Variants in CDK5RAP2 observed in about 807,000 individuals in gnomAD.
CDK5RAP2 encodes the protein CDK5 regulatory subunit-associated protein 2.
In CDK5RAP2, 147 loss-of-function variants were observed where a neutral mutation model predicts 232.9. The ratio of observed to expected loss-of-function variants is 0.63; its 90% CI spans 0.55 to 0.72. The LOEUF (loss-of-function observed/expected upper bound fraction) is 0.72. Among genes scored for constraint, CDK5RAP2 ranks in the 30% least tolerant of loss-of-function variants. CDK5RAP2 has a pLI of 0.00. For synonymous variants in CDK5RAP2, 833 were observed against 833.7 expected (o/e 1.00, Z 0.01); for missense variants, 2,195 against 2,231.5 (o/e 0.98, Z 0.33).
intron 12 of CDK5RAP2, chr9:120,517,769 C>A: frequency 4.2e-6 from 1 of 240,640 alleles, no homozygotes; most frequent in Admixed American, 4.7e-5. Flanking sequence ...CTATCAGGAA[C>A]AATCAGTGAG....
intron 3 of CDK5RAP2, among the ~76,000 whole-genome samples, chr9:120,552,109 C>A (rs542854121): frequency 2.0e-5 from 3 of 151,910 alleles, no homozygotes; most frequent in African/African-American, 7.2e-5. Flanking sequence ...TCATCACTGG[C>A]CATCAGAGAA....
chr9:120,557,230 C>T (rs965028622), intron 3 of CDK5RAP2, among the ~76,000 whole-genome samples: 5 of 152,340 alleles, frequency 3.3e-5, no homozygotes, highest in Middle Eastern at 3.4e-3. Flanking sequence ...CTTAGTACCA[C>T]TTTCCTCACA....
chr9:120,442,429 G>T (rs1377113950), intron 23 of CDK5RAP2, among the ~76,000 whole-genome samples: 3 of 152,154 alleles, frequency 2.0e-5, no homozygotes, highest in Non-Finnish European at 4.4e-5. Flanking sequence ...AAAAGAAACA[G>T]CAATGAAGAT....
At chr9:120,512,549 G>A (rs543473182) in intron 12 of CDK5RAP2, among the ~76,000 whole-genome samples, 3 of 152,328 alleles carry the variant, frequency 2.0e-5, no homozygotes, top group Non-Finnish European at 4.4e-5. Flanking sequence ...CAAGTTGGGT[G>A]TTCTTGAGAA....
At chr9:120,547,303 T>C (rs2041884019) in intron 4 of CDK5RAP2, among the ~76,000 whole-genome samples, 1 of 151,990 alleles carries the variant, frequency 6.6e-6, no homozygotes, top group South Asian at 2.1e-4. Flanking sequence ...TGTGTATTAT[T>C]TAAACAAAAA....
chr9:120,518,563 G>A lies in CDK5RAP2; in HGVS notation c.1175C>T (p.Thr392Ile), dbSNP rs1240519605. 4 of 1,613,518 alleles carry A rather than the reference G, an allele frequency of 2.5e-6. No individual in the cohort carries two copies. The highest frequency in any genetic ancestry group is 2.2e-5 in the East Asian group (1 of 44,840). The change falls in exon 12 of 38, where the codon ACA becomes ATA. Residue 392 changes from threonine to isoleucine, a missense_variant. By Grantham distance (89) the Thr-to-Ile change is moderately conservative (BLOSUM62 -1). Coordinates refer to ENST00000349780, the MANE Select transcript of CDK5RAP2 (RefSeq NM_018249.6). The part of the protein sequence containing the change: ...ALRSQNLTKS[T>I]ENHRLRRSIK... ...GCTTCTACGCAGTCTGTGGTTCTCT[G>A]TACTCTTGGTGAGGTTTTGTGAGCG...
At chr9:120,473,768 G>C (rs1378692773) in intron 15 of CDK5RAP2, among the ~76,000 whole-genome samples, 1 of 152,110 alleles carries the variant, frequency 6.6e-6, no homozygotes, top group Admixed American at 6.6e-5. Context: ...TTTAACCAGG[G>C]AGAAAAAAAG....
chr9:120,413,342 C>A (rs953540176), intron 28 of CDK5RAP2, among the ~76,000 whole-genome samples: 1 of 152,144 alleles, frequency 6.6e-6, no homozygotes, highest in Non-Finnish European at 1.5e-5. Flanking sequence ...CATGAGAGGC[C>A]GGTTTTTAAC....
At chr9:120,487,795 G>C (rs376156794) in intron 13 of CDK5RAP2, among the ~76,000 whole-genome samples, 3 of 152,210 alleles carry the variant, frequency 2.0e-5, no homozygotes, top group Non-Finnish European at 4.4e-5. Flanking sequence ...CCTGCTCAGG[G>C]TGCGATCTGC....
chr9:120,567,053 G>A (rs1411258998), intron 3 of CDK5RAP2, among the ~76,000 whole-genome samples: 1 of 152,124 alleles, frequency 6.6e-6, no homozygotes, highest in Non-Finnish European at 1.5e-5. Context: ...AAAGTACCCA[G>A]CTCAGAGCAA....
chr9:120,470,663 T>C (rs1449242886), intron 16 of CDK5RAP2, among the ~76,000 whole-genome samples: 1 of 151,542 alleles, frequency 6.6e-6, no homozygotes, highest in East Asian at 1.9e-4. Context: ...TTTTTTTTAC[T>C]GGCCCCAGAA....
Position 120,442,039 on chromosome 9 carries a change from T to G in CDK5RAP2, c.3148+1581A>C, listed in dbSNP as rs571092645. On this transcript the variant is annotated intron_variant, in intron 23 of 37. Transcript: ENST00000349780. ...AAATATCTTTGCTGTAATAACCTCA[T>G]GATAATAGAATTTGGTCTGTACTTC... is the stretch of plus-strand genomic sequence containing the variant. Among the ~76,000 whole-genome samples the G allele has an allele frequency of 2.6e-5, 4 of 152,298 alleles. No homozygotes were observed. In the East Asian group the frequency reaches 7.7e-4, roughly 29 times the overall value.
intron 32 of CDK5RAP2, 122 bp downstream of exon 32, chr9:120,406,890 G>C: frequency 1.3e-6 from 1 of 777,024 alleles, no homozygotes; most frequent in Admixed American, 2.1e-5. Flanking sequence ...CTAGGGTACA[G>C]CATGTCAGCT....
Position 120,487,679 on chromosome 9 carries a change from C to T in CDK5RAP2, c.1483-242G>A, listed in dbSNP as rs1194467102. 4.6e-5 allele frequency among the ~76,000 whole-genome samples: 7 copies of T among 152,270 alleles called. 1 individual carries two copies. The South Asian group carries it at 1.0e-3, about 23-fold the overall frequency. On this transcript the variant is annotated intron_variant, in intron 13 of 37. Coordinates refer to ENST00000349780, the MANE Select transcript of CDK5RAP2 (RefSeq NM_018249.6). ...AAGCAGAGCCAAGGATGGTCGCAGT[C>T]GCTACAAACCGTCCTCGCTCACCAC...
At chr9:120,516,909 A>G (rs535260347) in intron 12 of CDK5RAP2, among the ~76,000 whole-genome samples, 4 of 152,354 alleles carry the variant, frequency 2.6e-5, no homozygotes, top group Non-Finnish European at 5.9e-5. Context: ...TAGGGATTTC[A>G]AGAGAAAATA....
intron 3 of CDK5RAP2, among the ~76,000 whole-genome samples, chr9:120,558,175 C>T (rs931240225): frequency 1.3e-5 from 2 of 148,204 alleles, no homozygotes; most frequent in Non-Finnish European, 3.0e-5. Flanking sequence ...GAGATCGAGA[C>T]CATCCTGGCC....
intron 9 of CDK5RAP2, among the ~76,000 whole-genome samples, chr9:120,528,362 G>T (rs2040999417): frequency 1.3e-5 from 2 of 152,196 alleles, no homozygotes; most frequent in Non-Finnish European, 2.9e-5. Context: ...CTGTTGTGAG[G>T]ATCAAACAGG....
chr9:120,461,747 C>A (rs1210906839), intron 18 of CDK5RAP2, among the ~76,000 whole-genome samples: 2 of 152,166 alleles, frequency 1.3e-5, no homozygotes, highest in African/African-American at 2.4e-5. Context: ...GAGACTGAGG[C>A]AGGAGGATCA....
intron 10 of CDK5RAP2, among the ~76,000 whole-genome samples, chr9:120,526,514 C>T (rs530259088): frequency 2.6e-5 from 4 of 152,218 alleles, no homozygotes; most frequent in African/African-American, 9.6e-5. Flanking sequence ...AAATAAGCCC[C>T]TCCCCCTCCA....
Sources: allele counts gnomAD v4.1 joint callset (sites outside exome capture counted in the v4.1 genomes callset), GRCh38; gene constraint gnomAD v4.1.1; transcripts MANE v1.5; gene names NCBI Gene and HGNC (gene_info 2026-07-23, HGNC 2026-07-21).